The following CFDP1 variants were observed in gnomAD, a reference collection of about 807,000 sequenced individuals.
CFDP1 encodes the protein heterochromatin-stabilizing protein CFDP1.
Under a neutral mutation model 40.1 loss-of-function variants are expected in CFDP1, and 31 were observed. That is an observed-to-expected ratio of 0.77 (90% confidence interval 0.58 to 1.04). The LOEUF is 1.04. Ranked by LOEUF, CFDP1 falls within the 50% of genes least tolerant of loss-of-function variation. The probability of loss-of-function intolerance (pLI) is 0.00; values close to 1 mark genes in which losing one functional copy is unlikely to be tolerated. For synonymous variants in CFDP1, 167 were observed against 120.0 expected (o/e 1.39, Z -2.56); for missense variants, 423 against 343.4 (o/e 1.23, Z -1.83).
intron 6 of CFDP1, among the ~76,000 whole-genome samples, chr16:75,296,416 T>C (rs773933400): frequency 1.6e-4 from 24 of 152,148 alleles, no homozygotes; most frequent in Admixed American, 6.5e-5. Context: ...TTTAAATCTT[T>C]TGTAAAGATA....
chr16:75,300,416 T>A (rs1429855860), intron 6 of CFDP1, among the ~76,000 whole-genome samples: 2 of 152,160 alleles, frequency 1.3e-5, no homozygotes, highest in Non-Finnish European at 2.9e-5. Flanking sequence ...GCCTCCCAAG[T>A]AGCTGGGATT....
At chr16:75,420,485 T>C (rs1045908712) in intron 1 of CFDP1, among the ~76,000 whole-genome samples, 6 of 152,224 alleles carry the variant, frequency 3.9e-5, no homozygotes, top group African/African-American at 1.4e-4. Flanking sequence ...CTGCAGGATG[T>C]ATGGCTTTGA....
intron 5 of CFDP1, among the ~76,000 whole-genome samples, chr16:75,357,443 C>T (rs925897636): frequency 3.3e-5 from 5 of 151,774 alleles, no homozygotes; most frequent in Non-Finnish European, 7.4e-5. Context: ...TTAGTAGAGA[C>T]GGGGTTTCAC....
intron 5 of CFDP1, chr16:75,391,175 A>G (rs1322029223): frequency 6.6e-6 from 1 of 152,242 alleles, no homozygotes; most frequent in South Asian, 2.1e-4. Flanking sequence ...ACAGTTTCCA[A>G]GTAGAATCTC....
At chr16:75,381,622 A>G (rs1421938978) in intron 5 of CFDP1, among the ~76,000 whole-genome samples, 1 of 152,226 alleles carries the variant, frequency 6.6e-6, no homozygotes, top group Non-Finnish European at 1.5e-5. Context: ...TCAGATTTCT[A>G]GTCCAGGTTC....
intron 5 of CFDP1, among the ~76,000 whole-genome samples, chr16:75,385,211 G>C (rs543408867): frequency 6.6e-6 from 1 of 151,848 alleles, no homozygotes; most frequent in South Asian, 2.1e-4. Flanking sequence ...AGTAACTGAC[G>C]TAAGTATGAA....
intron 1 of CFDP1, among the ~76,000 whole-genome samples, chr16:75,432,707 A>C (rs1235053700): frequency 6.6e-6 from 1 of 152,210 alleles, no homozygotes; most frequent in Non-Finnish European, 1.5e-5. Flanking sequence ...GGGGAAGACC[A>C]AGAAGGGGGA....
intron 5 of CFDP1, among the ~76,000 whole-genome samples, chr16:75,344,786 G>C (rs1278112189): frequency 6.6e-6 from 1 of 151,944 alleles, no homozygotes; most frequent in Non-Finnish European, 1.5e-5. Flanking sequence ...ACAAAAATTA[G>C]CTGGGCATGG....
chr16:75,378,893 G>A (rs980922795), intron 5 of CFDP1, among the ~76,000 whole-genome samples: 2 of 151,998 alleles, frequency 1.3e-5, no homozygotes, highest in Non-Finnish European at 2.9e-5. Flanking sequence ...AAATCACAAA[G>A]AATGTGTTCA....
intron 5 of CFDP1, among the ~76,000 whole-genome samples, chr16:75,370,852 A>G (rs1310636646): frequency 1.3e-5 from 2 of 152,148 alleles, no homozygotes; most frequent in African/African-American, 4.8e-5. Flanking sequence ...ACAGAGCAAG[A>G]CTGTCTCAAA....
At chr16:75,413,098 C>T (rs2079176651) in intron 2 of CFDP1, among the ~76,000 whole-genome samples, 1 of 152,138 alleles carries the variant, frequency 6.6e-6, no homozygotes, top group African/African-American at 2.4e-5. Flanking sequence ...ATTCTAAGAA[C>T]ATATTATATG....
intron 6 of CFDP1, among the ~76,000 whole-genome samples, chr16:75,303,072 C>T (rs558900788): frequency 9.2e-5 from 14 of 151,570 alleles, no homozygotes; most frequent in African/African-American, 2.9e-4. Flanking sequence ...TGTAGGCGCG[C>T]GCCTGTAATC....
At position 75,293,981 on chromosome 16, in the gene CFDP1, C is replaced by T. The variant is rs896854613; in HGVS notation, c.871G>A (p.Asp291Asn). The T allele has an allele frequency of 6.2e-6, 10 of 1,613,982 alleles. No individual in the cohort carries two copies. Among genetic ancestry groups the T allele is most frequent in the Non-Finnish European group, 8.5e-6 (10 of 1,180,014 alleles). The change falls in exon 7 of 7, where the codon GAT (aspartate) becomes AAT (asparagine). Residue 291 changes from aspartate to asparagine, a missense_variant. Transcript: ENST00000283882. ...VDHRQFEIERDLRLSKMKP is the reference protein window; with the variant it reads ...VDHRQFEIERNLRLSKMKP ...GGTTTCATTTTGCTCAGCCTGAGAT[C>T]TCGCTCAATTTCAAACTGCCTGTGA...
intron 5 of CFDP1, among the ~76,000 whole-genome samples, chr16:75,328,995 C>T (rs893373507): frequency 1.3e-5 from 2 of 151,896 alleles, no homozygotes; most frequent in African/African-American, 2.4e-5. Flanking sequence ...TACAGGCATG[C>T]GCCACCATGC....
intron 5 of CFDP1, among the ~76,000 whole-genome samples, chr16:75,392,438 A>AAC (rs2078960083): frequency 6.6e-6 from 1 of 151,890 alleles, no homozygotes; most frequent in South Asian, 2.1e-4. Context: ...ACAAAAAAAA[A>AAC]CAGCTTGTTA....
intron 5 of CFDP1, among the ~76,000 whole-genome samples, chr16:75,330,472 C>G (rs1366679316): frequency 2.6e-5 from 4 of 152,168 alleles, no homozygotes; most frequent in African/African-American, 7.2e-5. Context: ...GCCTGTAATC[C>G]CAGTTACTAG....
At chr16:75,424,770 AAAG>A (rs1162422769) in intron 1 of CFDP1, among the ~76,000 whole-genome samples, 1 of 151,856 alleles carries the variant, frequency 6.6e-6, no homozygotes, top group African/African-American at 2.4e-5. Flanking sequence ...AAAAAAAAAA[AAAG>A]ATTGGGAAAA....
chr16:75,321,698 C>T (rs1031549736), intron 5 of CFDP1, among the ~76,000 whole-genome samples: 3 of 152,208 alleles, frequency 2.0e-5, no homozygotes, highest in African/African-American at 7.2e-5. Flanking sequence ...TATTCTCTCC[C>T]TTGGACACCC....
intron 5 of CFDP1, among the ~76,000 whole-genome samples, chr16:75,327,644 T>C (rs1411822632): frequency 6.6e-6 from 1 of 152,034 alleles, no homozygotes; most frequent in Non-Finnish European, 1.5e-5. Context: ...TACACACATA[T>C]ACATGAAAGG....
Sources: gnomAD v4.1 joint callset for allele counts (sites outside exome capture counted in the v4.1 genomes callset) on GRCh38, gnomAD v4.1.1 for gene constraint, MANE v1.5 for transcripts, NCBI Gene and HGNC (gene_info 2026-07-23, HGNC 2026-07-21) for gene names.